The following ZFR variants were observed in gnomAD, a reference collection of about 807,000 sequenced individuals.
The protein encoded by ZFR is zinc finger RNA-binding protein.
In ZFR, 19 loss-of-function variants were observed where a neutral mutation model predicts 130.7. That is an observed-to-expected ratio of 0.15 (90% CI 0.10 to 0.21). ZFR has a LOEUF of 0.21. Ranked by LOEUF, ZFR falls within the 10% of genes least tolerant of loss-of-function variation. The pLI is 1.00. For synonymous variants in ZFR, 466 were observed against 456.9 expected, an observed-to-expected ratio of 1.02 and a Z score of -0.25; for missense variants, 872 against 1,321.5, an observed-to-expected ratio of 0.66 and a Z score of 5.27.
At chr5:32,443,953 G>C (rs1396421317) in intron 2 of ZFR, among the ~76,000 whole-genome samples, 1 of 152,044 alleles carries the variant, frequency 6.6e-6, no homozygotes, top group Non-Finnish European at 1.5e-5. Flanking sequence ...TTAGTTAAGG[G>C]GCCGCTGAAG....
chr5:32,397,442 G>A (rs1753339830), intron 9 of ZFR, 104 bp from the exon 10 acceptor site: 2 of 1,403,760 alleles, frequency 1.4e-6, no homozygotes, highest in Admixed American at 2.3e-5. Context: ...AGAAAGAAGT[G>A]GCAATGTCTA....
chr5:32,418,035 C>T (rs973602432), intron 3 of ZFR, among the ~76,000 whole-genome samples: 13 of 152,086 alleles, frequency 8.5e-5, no homozygotes, highest in African/African-American at 2.9e-4. Context: ...CCAAGCCGGG[C>T]GGATCATGAG....
Position 32,416,785 on chromosome 5 carries a change from T to TA in ZFR, c.565+862dup, listed in dbSNP as rs1753835954. Among the ~76,000 whole-genome samples the TA allele has an allele frequency of 2.0e-5, 3 of 151,828 alleles. No individual in the cohort carries two copies. The South Asian group carries it at 6.2e-4, about 32-fold the overall frequency. On this transcript the variant is annotated intron_variant, in intron 4 of 19. Coordinates refer to ENST00000265069, the MANE Select transcript of ZFR (RefSeq NM_016107.5). Reference sequence around the variant, plus strand: ...GGTAAGAGAACAGAGATAAGAGAGGTAAAAAATCACTTGCCCACATTAGCA... The same window carrying TA: ...GGTAAGAGAACAGAGATAAGAGAGGTAAAAAAATCACTTGCCCACATTAGCA...
At chr5:32,368,814 T>G (rs1156939002) in intron 17 of ZFR, among the ~76,000 whole-genome samples, 2 of 152,194 alleles carry the variant, frequency 1.3e-5, no homozygotes, top group Non-Finnish European at 2.9e-5. Flanking sequence ...ATAATCACAT[T>G]CTGAAGGTAG....
chr5:32,441,008 TCTGTTGCC>T (rs1247609066), intron 2 of ZFR, among the ~76,000 whole-genome samples: 16 of 152,220 alleles, frequency 1.1e-4, no homozygotes, highest in Non-Finnish European at 1.8e-4. Flanking sequence ...GGAGTCTGTC[TCTGTTGCC>T]CAGCCAGAGT....
chr5:32,382,570 T>C (rs1197173585), intron 15 of ZFR, among the ~76,000 whole-genome samples: 1 of 152,228 alleles, frequency 6.6e-6, no homozygotes, highest in African/African-American at 2.4e-5. Context: ...TTGGAAATTG[T>C]AATTCATGAT....
chr5:32,369,862 A>G (rs1752622841), intron 17 of ZFR, among the ~76,000 whole-genome samples: 2 of 152,112 alleles, frequency 1.3e-5, no homozygotes, highest in African/African-American at 4.8e-5. Flanking sequence ...CAGCATTATT[A>G]TACTATGTTG....
chr5:32,403,768 G>A, intron 7 of ZFR, 138 bp downstream of exon 7: 1 of 707,540 alleles, frequency 1.4e-6, no homozygotes, highest in Non-Finnish European at 2.2e-6. Context: ...TCACCTTTAT[G>A]TATTATTAGC....
chr5:32,362,726 T>C (rs1001930280), intron 19 of ZFR, among the ~76,000 whole-genome samples: 10 of 152,332 alleles, frequency 6.6e-5, no homozygotes, highest in South Asian at 6.2e-4. Context: ...GCTACATAAA[T>C]GCATTGTATA....
intron 11 of ZFR, 34 bp from the exon 12 acceptor site, chr5:32,390,471 AG>A: frequency 2.5e-6 from 4 of 1,587,540 alleles, no homozygotes; most frequent in Non-Finnish European, 3.4e-6. Context: ...TAAGCATATG[AG>A]GAAAAATACA....
chr5:32,435,873 A>G (rs1754320528), intron 2 of ZFR, among the ~76,000 whole-genome samples: 1 of 152,178 alleles, frequency 6.6e-6, no homozygotes, highest in Non-Finnish European at 1.5e-5. Flanking sequence ...TGAACACTAG[A>G]CTACAAACTT....
At chr5:32,439,666 C>T (rs896632821) in intron 2 of ZFR, among the ~76,000 whole-genome samples, 5 of 151,884 alleles carry the variant, frequency 3.3e-5, no homozygotes, top group Admixed American at 3.3e-4. Context: ...TGAGGCTGGG[C>T]GTAGTGGCTC....
chr5:32,435,043 C>T (rs1035176707), intron 2 of ZFR, among the ~76,000 whole-genome samples: 4 of 152,060 alleles, frequency 2.6e-5, no homozygotes, highest in East Asian at 1.9e-4. Flanking sequence ...CTCAGCCTCT[C>T]GAGGAGCAGG....
intron 15 of ZFR, among the ~76,000 whole-genome samples, chr5:32,385,208 T>C (rs537729388): frequency 7.0e-6 from 1 of 143,612 alleles, no homozygotes; most frequent in Non-Finnish European, 1.5e-5. Context: ...TTTTCATGCA[T>C]TGACTATGCC....
intron 15 of ZFR, chr5:32,383,647 T>C (rs1752980082): frequency 5.4e-6 from 2 of 371,144 alleles, no homozygotes. Context: ...TTTACAATTG[T>C]TCTTCCGGCA....
intron 4 of ZFR, 72 bp downstream of exon 4, chr5:32,417,574 TTA>T: frequency 6.3e-7 from 1 of 1,580,476 alleles, no homozygotes; most frequent in Non-Finnish European, 8.6e-7. Flanking sequence ...ACTCAAAAGC[TTA>T]TCTTCATTAA....
At chr5:32,423,784 T>C in intron 2 of ZFR, among the ~76,000 whole-genome samples, 1 of 152,152 alleles carries the variant, frequency 6.6e-6, no homozygotes, top group Non-Finnish European at 1.5e-5. Context: ...AAAAAGATCC[T>C]GTCTCCAGAG....
At chr5:32,443,173 C>T (rs1754510801) in intron 2 of ZFR, among the ~76,000 whole-genome samples, 1 of 152,070 alleles carries the variant, frequency 6.6e-6, no homozygotes, top group Non-Finnish European at 1.5e-5. Flanking sequence ...TGGGTTTAAC[C>T]AACATCTAAC....
At chr5:32,408,780 T>C (rs1021201032) in intron 5 of ZFR, among the ~76,000 whole-genome samples, 18 of 152,258 alleles carry the variant, frequency 1.2e-4, no homozygotes, top group Admixed American at 6.5e-5. Flanking sequence ...ATACATGCTT[T>C]ATCACTGATA....
Sources: gnomAD v4.1 joint callset for allele counts (sites outside exome capture counted in the v4.1 genomes callset) on GRCh38, gnomAD v4.1.1 for gene constraint, MANE v1.5 for transcripts, NCBI Gene and HGNC (gene_info 2026-07-23, HGNC 2026-07-21) for gene names.